EDIL3: variants seen among roughly 807,000 people sequenced by gnomAD.
EDIL3 encodes the protein EGF-like repeat and discoidin I-like domain-containing protein 3.
A neutral mutation model predicts 67.4 loss-of-function variants in EDIL3; 37 were observed. The observed-to-expected ratio is 0.55, with a 90% confidence interval of 0.42 to 0.72. EDIL3 has a LOEUF of 0.72. Ranked by LOEUF, EDIL3 falls within the 30% of genes least tolerant of loss-of-function variation. The pLI, the probability that EDIL3 is intolerant of heterozygous loss-of-function variation, is 0.00. For synonymous variants in EDIL3, 195 were observed against 196.3 expected (o/e 0.99, Z 0.05); for missense variants, 527 against 586.3 (o/e 0.90, Z 1.04).
chr5:84,378,417 A>G (rs1396893454), intron 1 of EDIL3, among the ~76,000 whole-genome samples: 1 of 152,158 alleles, frequency 6.6e-6, no homozygotes. Context: ...AGTTTTTTGT[A>G]CTGCAAAGTA....
In EDIL3 at chr5:83,963,293, A is replaced by G. The variant is rs771688663; in HGVS notation, c.1205T>C (p.Val402Ala). 10 of 1,610,518 alleles carry G rather than the reference A, an allele frequency of 6.2e-6. No homozygotes were observed. In the East Asian group the frequency reaches 2.2e-4, roughly 36 times the overall value. Residue 402 changes from valine (V) to alanine (A), a missense_variant, in exon 10 of 11, where the codon GTA becomes GCA. Physicochemically the swap from Val to Ala is moderately conservative, Grantham distance 64. Around this residue, in one of 2 missense-constraint regions of EDIL3, gnomAD observed 494 missense variants for 522.5 expected, o/e 0.95. Transcript: ENST00000296591. Reference sequence around the variant, plus strand: ...CAGTTTGTAGGAGCCAACAAACTGTACATGACCAAAATCTTTAGCTCCTTG... The same window carrying G: ...CAGTTTGTAGGAGCCAACAAACTGTGCATGACCAAAATCTTTAGCTCCTTG... The part of the protein sequence containing the change: ...ITQGAKDFGH[V>A]QFVGSYKLAY...
rs181273899 is a variant in EDIL3 at position 83,974,667 on chromosome 5, T to C, written c.1138-11307A>G. Among the ~76,000 whole-genome samples, 4 of 152,168 alleles carry C rather than the reference T, an allele frequency of 2.6e-5. No homozygotes were observed. In the East Asian group the frequency reaches 7.7e-4, roughly 29 times the overall value. ...CCTCAGCATTTCAGTCACCATAAATTATACTTGTAGTCTTAGAGAGCCTCA... is the reference window on the plus strand; with the variant it reads ...CCTCAGCATTTCAGTCACCATAAATCATACTTGTAGTCTTAGAGAGCCTCA... On this transcript the variant is annotated intron_variant, in intron 9 of 10. Coordinates refer to ENST00000296591, the MANE Select transcript of EDIL3 (RefSeq NM_005711.5).
chr5:84,249,023 A>G (rs978815662), intron 2 of EDIL3, among the ~76,000 whole-genome samples: 1 of 152,218 alleles, frequency 6.6e-6, no homozygotes. Flanking sequence ...TTTTTTAAAC[A>G]CTGTACCAAA....
chr5:84,055,134 G>A (rs921596718), intron 9 of EDIL3, among the ~76,000 whole-genome samples: 4 of 146,046 alleles, frequency 2.7e-5, no homozygotes, highest in African/African-American at 1.1e-4. Context: ...GAACAGAACA[G>A]AGCCCTCAGA....
intron 3 of EDIL3, among the ~76,000 whole-genome samples, chr5:84,184,905 T>C (rs1245775548): frequency 2.0e-5 from 3 of 152,160 alleles, no homozygotes; most frequent in Non-Finnish European, 4.4e-5. Context: ...GTTTCAGAGG[T>C]TATGGCTGCT....
intron 1 of EDIL3, among the ~76,000 whole-genome samples, chr5:84,377,278 A>ACT (rs199650146): frequency 0.013 from 1,974 of 150,588 alleles, 36 homozygotes; most frequent in African/African-American, 0.046. Context: ...GCGCCACTGC[A>ACT]CTGCAGCCTG....
At chr5:84,043,033 A>C (rs2112215944) in intron 9 of EDIL3, among the ~76,000 whole-genome samples, 1 of 152,348 alleles carries the variant, frequency 6.6e-6, no homozygotes, top group African/African-American at 2.4e-5. Context: ...GACAAACTAA[A>C]GTTAACATAA....
At chr5:84,159,084 A>G (rs147000558) in intron 4 of EDIL3, among the ~76,000 whole-genome samples, 178 of 152,218 alleles carry the variant, frequency 1.2e-3, no homozygotes, top group African/African-American at 3.5e-3. Context: ...TTGCCAGTAC[A>G]TACACAACCA....
intron 9 of EDIL3, among the ~76,000 whole-genome samples, chr5:84,015,515 G>C (rs1580280287): frequency 1.3e-5 from 2 of 152,162 alleles, no homozygotes; most frequent in Admixed American, 1.3e-4. Context: ...TCCTAAAACA[G>C]AAATTAAAAG....
At position 83,942,990 on chromosome 5, in the gene EDIL3, C is replaced by G. The variant is rs1744252179; in HGVS notation, c.*429G>C. ...GTAGAGTCATTACAGAAGAAAAAAA[C>G]TTATTGCTAACATTGCAGTATTCCT... On this transcript the variant is annotated 3_prime_UTR_variant, in exon 11 of 11. Coordinates refer to ENST00000296591, the MANE Select transcript of EDIL3 (RefSeq NM_005711.5). 1 of 174,970 alleles carries G rather than the reference C, an allele frequency of 5.7e-6. No homozygotes were observed. The highest frequency in any genetic ancestry group is 1.2e-5 in the Non-Finnish European group (1 of 81,218). 10.8% of individuals were successfully genotyped at this position (174,970 alleles called of 1,614,324 possible). A position where few individuals can be genotyped will look rare whatever the true frequency, so the allele number is the denominator to read the frequency against.
chr5:83,949,858 G>C (rs796539333), intron 10 of EDIL3, among the ~76,000 whole-genome samples: 1 of 151,792 alleles, frequency 6.6e-6, no homozygotes, highest in African/African-American at 2.4e-5. Flanking sequence ...TGTCTGAGAA[G>C]AGTATTTTTG....
At chr5:84,053,589 A>G (rs2112227518) in intron 9 of EDIL3, among the ~76,000 whole-genome samples, 1 of 152,290 alleles carries the variant, frequency 6.6e-6, no homozygotes, top group South Asian at 2.1e-4. Context: ...AAAAGAGAGA[A>G]GAATCAAATA....
chr5:84,203,120 T>G (rs1391192456), intron 3 of EDIL3, among the ~76,000 whole-genome samples: 2 of 152,148 alleles, frequency 1.3e-5, no homozygotes, highest in Non-Finnish European at 2.9e-5. Context: ...TGGATTGTTG[T>G]TCATGTCGAA....
intron 1 of EDIL3, among the ~76,000 whole-genome samples, chr5:84,310,859 G>A (rs1561253132): frequency 1.3e-5 from 2 of 152,050 alleles, no homozygotes; most frequent in South Asian, 2.1e-4. Context: ...ACTCCACAAA[G>A]CTCTCCTGTG....
chr5:84,018,298 A>G (rs554097744), intron 9 of EDIL3, among the ~76,000 whole-genome samples: 49 of 152,252 alleles, frequency 3.2e-4, no homozygotes, highest in African/African-American at 1.2e-3. Flanking sequence ...GTAACCACCT[A>G]ATTGGGCCAA....
chr5:83,989,622 T>C (rs1425769755), intron 9 of EDIL3, among the ~76,000 whole-genome samples: 2 of 152,270 alleles, frequency 1.3e-5, no homozygotes, highest in South Asian at 2.1e-4. Flanking sequence ...TAAGAGATAT[T>C]TGACTAAAGT....
intron 2 of EDIL3, among the ~76,000 whole-genome samples, chr5:84,238,996 G>A (rs187661927): frequency 8.6e-5 from 13 of 151,916 alleles, no homozygotes; most frequent in Admixed American, 4.6e-4. Flanking sequence ...TCCAATCTGC[G>A]GACCAAAAAA....
intron 4 of EDIL3, among the ~76,000 whole-genome samples, chr5:84,138,541 C>G (rs1167999822): frequency 3.3e-5 from 5 of 152,132 alleles, no homozygotes; most frequent in African/African-American, 9.7e-5. Context: ...TATAACATAT[C>G]AAATGATAGT....
intron 10 of EDIL3, among the ~76,000 whole-genome samples, chr5:83,944,917 C>G (rs921303431): frequency 3.3e-5 from 5 of 152,008 alleles, no homozygotes; most frequent in Middle Eastern, 3.4e-3. Context: ...CATCACATGA[C>G]AGGATACTTA....
Sources: gnomAD v4.1 joint callset for allele counts (sites outside exome capture counted in the v4.1 genomes callset) on GRCh38, gnomAD v4.1.1 for gene constraint, gnomAD v4.1.1 regional missense constraint, MANE v1.5 for transcripts, NCBI Gene and HGNC (gene_info 2026-07-23, HGNC 2026-07-21) for gene names.